GRIP1: variants seen among roughly 807,000 people sequenced by gnomAD.
The protein encoded by GRIP1 is glutamate receptor-interacting protein 1.
GRIP1 carries 45 observed loss-of-function variants against 129.9 expected under a neutral mutation model. The ratio of observed to expected loss-of-function variants is 0.35; its 90% confidence interval spans 0.27 to 0.44. The LOEUF (loss-of-function observed/expected upper bound fraction) is 0.44. Ranked by LOEUF, GRIP1 falls within the 20% of genes least tolerant of loss-of-function variation. The probability of loss-of-function intolerance (pLI) is 1.00; values close to 1 mark genes in which losing one functional copy is unlikely to be tolerated. For missense variants in GRIP1, 1,196 were observed against 1,396.8 expected (o/e 0.86, Z 2.29); for synonymous variants, 530 against 520.8 (o/e 1.02, Z -0.24).
At chr12:66,957,100 G>A (rs960708023) in intron 1 of GRIP1, among the ~76,000 whole-genome samples, 2 of 151,982 alleles carry the variant, frequency 1.3e-5, no homozygotes, top group Non-Finnish European at 2.9e-5. Flanking sequence ...TTTGAGATAG[G>A]GTCTTTAAAG....
intron 1 of GRIP1, among the ~76,000 whole-genome samples, chr12:66,962,450 C>T (rs751966846): frequency 3.3e-5 from 5 of 152,030 alleles, no homozygotes; most frequent in Non-Finnish European, 7.3e-5. Flanking sequence ...GCCTTTGCAA[C>T]GTGCCTGTCT....
chr12:66,839,931 G>C (rs200658704), intron 1 of GRIP1, among the ~76,000 whole-genome samples: 2 of 152,292 alleles, frequency 1.3e-5, no homozygotes, highest in East Asian at 3.9e-4. Context: ...TGATAAGTGT[G>C]TTTAATAGAT....
At chr12:66,962,137 A>G (rs916254705) in intron 1 of GRIP1, among the ~76,000 whole-genome samples, 5 of 152,158 alleles carry the variant, frequency 3.3e-5, no homozygotes, top group Admixed American at 2.6e-4. Context: ...TATTTTTACC[A>G]TGGCTGTGGT....
At chr12:66,836,935 G>A (rs888033656) in intron 1 of GRIP1, among the ~76,000 whole-genome samples, 1 of 152,188 alleles carries the variant, frequency 6.6e-6, no homozygotes, top group Non-Finnish European at 1.5e-5. Context: ...GTACATTCAT[G>A]TTGTTGTTTT....
intron 1 of GRIP1, among the ~76,000 whole-genome samples, chr12:66,741,956 A>C (rs1035038379): frequency 6.6e-6 from 1 of 152,132 alleles, no homozygotes; most frequent in Non-Finnish European, 1.5e-5. Flanking sequence ...CCTCTCTACC[A>C]ATTCTTCACT....
At chr12:66,539,010 C>T in intron 4 of GRIP1, 68 bp downstream of exon 4, 2 of 1,288,346 alleles carry the variant, frequency 1.6e-6, no homozygotes, top group East Asian at 2.3e-5. Context: ...GTATTATGAG[C>T]AGTTTTAGGC....
Position 66,729,537 on chromosome 12 carries a change from A to G in GRIP1, c.-420+74516T>C, listed in dbSNP as rs143394614. On this transcript the variant is annotated intron_variant, in intron 1 of 4. Transcript: ENST00000538373. ...ACTTGAATGGGTAAGTAATTTGTTC[A>G]TGGTCGCATGCTACTCAATGATGGA... Among the ~76,000 whole-genome samples, 285 of 152,260 alleles carry G rather than the reference A, an allele frequency of 1.9e-3. 1 individual carries two copies. The highest frequency in any genetic ancestry group is 6.6e-3 in the African/African-American group (274 of 41,554).
At chr12:67,052,486 G>A (rs550199038) in intron 1 of GRIP1, among the ~76,000 whole-genome samples, 2 of 152,216 alleles carry the variant, frequency 1.3e-5, no homozygotes, top group African/African-American at 2.4e-5. Flanking sequence ...CAGGCCGGGC[G>A]CAGTGACTCA....
chr12:66,557,061 A>C (rs563194885), intron 2 of GRIP1, among the ~76,000 whole-genome samples: 3 of 152,130 alleles, frequency 2.0e-5, no homozygotes, highest in Non-Finnish European at 4.4e-5. Flanking sequence ...AAAAAGACTC[A>C]ACTATCTGTT....
chr12:66,910,091 T>C (rs1264454009), intron 1 of GRIP1, among the ~76,000 whole-genome samples: 1 of 152,196 alleles, frequency 6.6e-6, no homozygotes, highest in Non-Finnish European at 1.5e-5. Flanking sequence ...ATACAGGTAG[T>C]ACATGCAATT....
At chr12:67,022,928 C>A (rs1332968646) in intron 1 of GRIP1, among the ~76,000 whole-genome samples, 1 of 152,084 alleles carries the variant, frequency 6.6e-6, no homozygotes, top group African/African-American at 2.4e-5. Context: ...TGCTGAGCAT[C>A]TTTTTATGTG....
intron 1 of GRIP1, among the ~76,000 whole-genome samples, chr12:67,043,000 G>A (rs1016790697): frequency 6.6e-6 from 1 of 152,168 alleles, no homozygotes; most frequent in African/African-American, 2.4e-5. Flanking sequence ...AGGATCCCAG[G>A]GTGGTGCCAT....
In GRIP1 at chr12:66,647,220, T is replaced by C. The variant is rs1477749697; in HGVS notation, c.55+31630A>G. 3 of 152,346 alleles carry C rather than the reference T, an allele frequency of 2.0e-5. 1 individual carries two copies. The highest frequency in any genetic ancestry group is 7.2e-5 in the African/African-American group (3 of 41,578). The allele number at this position is 152,346 out of a possible 1,614,324, so 9.4% of individuals were successfully genotyped here. A position where few individuals can be genotyped will look rare whatever the true frequency, so the allele number is the denominator to read the frequency against. On this transcript the variant is annotated intron_variant, in intron 1 of 24. Coordinates refer to ENST00000359742, the MANE Select transcript of GRIP1 (RefSeq NM_001366722.1). ...GTCTGCCAAAATTGGGTGCCGAGGT[T>C]CTGTGGTTTCCAATATACTTACTCA...
chr12:66,711,046 A>T (rs577614270), intron 1 of GRIP1, among the ~76,000 whole-genome samples: 1 of 151,924 alleles, frequency 6.6e-6, no homozygotes, highest in South Asian at 2.1e-4. Context: ...CTTTTCCTTC[A>T]TTCTTCATAT....
intron 2 of GRIP1, among the ~76,000 whole-genome samples, chr12:66,554,592 G>A (rs1259229570): frequency 6.6e-6 from 1 of 152,106 alleles, no homozygotes; most frequent in Admixed American, 6.5e-5. Flanking sequence ...GTGGGCCATT[G>A]GGGTTCCCAT....
At chr12:66,401,609 T>TATATATATATATACACACACACACAC (rs1169241331) in intron 16 of GRIP1, among the ~76,000 whole-genome samples, 3 of 110,176 alleles carry the variant, frequency 2.7e-5, no homozygotes, top group East Asian at 3.0e-4. Flanking sequence ...TATATATATA[T>TATATATATATATACACACACACACAC]ACACACACAC....
At chr12:66,382,799 T>C (rs773007632) in intron 19 of GRIP1, among the ~76,000 whole-genome samples, 2 of 152,104 alleles carry the variant, frequency 1.3e-5, no homozygotes, top group Non-Finnish European at 2.9e-5. Context: ...GGTATATGTA[T>C]AGGAGAAGGA....
intron 19 of GRIP1, among the ~76,000 whole-genome samples, chr12:66,385,567 T>C (rs1003641005): frequency 2.0e-5 from 3 of 151,946 alleles, no homozygotes; most frequent in African/African-American, 7.3e-5. Flanking sequence ...ATAAATAAAA[T>C]GTATGGTCCT....
At chr12:66,731,239 T>C (rs549233138) in intron 1 of GRIP1, among the ~76,000 whole-genome samples, 2 of 152,224 alleles carry the variant, frequency 1.3e-5, no homozygotes, top group Non-Finnish European at 2.9e-5. Context: ...AAGTCTTTGT[T>C]ATAAGTACCA....
Sources: allele counts gnomAD v4.1 joint callset (sites outside exome capture counted in the v4.1 genomes callset), GRCh38; gene constraint gnomAD v4.1.1; transcripts MANE v1.5; gene names NCBI Gene and HGNC (gene_info 2026-07-23, HGNC 2026-07-21).